ZNF831: variants seen among roughly 807,000 people sequenced by gnomAD.
ZNF831 encodes chromosome 20 open reading frame 174.
ZNF831 carries 59 observed loss-of-function variants against 95.8 expected under a neutral mutation model. That is an observed-to-expected ratio of 0.62 (90% CI 0.50 to 0.77). The LOEUF (loss-of-function observed/expected upper bound fraction) is 0.77, where lower values mean the gene tolerates loss of function less well. ZNF831 is among the 30% of genes least tolerant of loss of function. The pLI is 0.00. For missense variants in ZNF831, 2,205 were observed against 2,164.0 expected (o/e 1.02, Z -0.38); for synonymous variants, 961 against 925.5 (o/e 1.04, Z -0.70).
rs1983819967 is a variant in ZNF831, at chr20:59,193,693, G to A, written c.2674G>A (p.Val892Ile). 2.5e-6 allele frequency: 4 copies of A among 1,612,984 alleles called. No homozygotes were observed. The highest frequency in any genetic ancestry group is 1.7e-4 in the Middle Eastern group (1 of 6,052). ...SSGASLAAAS[V>I]ALKRVGPRDK... is the part of the protein sequence containing the mutation. Reference sequence around the variant, plus strand: ...TGGAGCCTCCTTGGCTGCTGCTTCTGTTGCCCTGAAGAGGGTGGGGCCAAG... The same window carrying A: ...TGGAGCCTCCTTGGCTGCTGCTTCTATTGCCCTGAAGAGGGTGGGGCCAAG... The change falls in exon 2 of 6, where the codon GTT becomes ATT. Residue 892 changes from valine to isoleucine, a missense_variant. Transcript: ENST00000371030.
chr20:59,191,080 C>G lies in ZNF831; in HGVS notation c.61C>G (p.Pro21Ala), dbSNP rs777666570. The change falls in exon 2 of 6, where the codon CCT becomes GCT. Residue 21 changes from proline (P) to alanine (A), a missense_variant. Physicochemically the swap from Pro to Ala is conservative, Grantham distance 27 (BLOSUM62 -1). Coordinates refer to ENST00000371030, the MANE Select transcript of ZNF831 (RefSeq NM_178457.3). The part of the protein sequence containing the change: ...PPARDQPAPT[P>A]GPPGAPGGQA... ...TGCGAGGGACCAGCCAGCTCCCACT[C>G]CTGGCCCTCCAGGGGCCCCAGGTGG... The G allele has an allele frequency of 2.6e-6, 4 of 1,535,240 alleles. No homozygotes were observed. The highest frequency in any genetic ancestry group is 3.5e-6 in the Non-Finnish European group (4 of 1,149,222).
chr20:59,207,392 A>G (rs1442394467), intron 4 of ZNF831, among the ~76,000 whole-genome samples: 1 of 152,200 alleles, frequency 6.6e-6, no homozygotes, highest in Non-Finnish European at 1.5e-5. Context: ...TAGTTTCACT[A>G]TTTCTAAAAA....
intron 4 of ZNF831, among the ~76,000 whole-genome samples, chr20:59,218,409 A>C (rs1251778838): frequency 6.6e-6 from 1 of 152,192 alleles, no homozygotes; most frequent in Admixed American, 6.5e-5. Flanking sequence ...AGGTGTGAGG[A>C]AAAGAGGCTT....
At chr20:59,161,531 G>C (rs1411785907), upstream of ZNF831, among the ~76,000 whole-genome samples, 1 of 152,150 alleles carries the variant, frequency 6.6e-6, no homozygotes, top group African/African-American at 2.4e-5. Flanking sequence ...CGCCTGCCTT[G>C]GCCTCCCAAA....
At chr20:59,164,912 G>C (rs189723271) in intron 1 of ZNF831, among the ~76,000 whole-genome samples, 20 of 152,300 alleles carry the variant, frequency 1.3e-4, no homozygotes, top group Admixed American at 7.8e-4. Flanking sequence ...AAAATGCAAC[G>C]AGGGACAGGA....
intron 3 of ZNF831, 150 bp downstream of exon 3, chr20:59,196,155 C>G (rs1984090686): frequency 5.5e-6 from 6 of 1,086,550 alleles, no homozygotes; most frequent in Admixed American, 3.1e-5. Context: ...TGTTTCCCAC[C>G]CCTTGCAACT....
chr20:59,188,328 TTTA>T (rs1470511923), intron 1 of ZNF831, among the ~76,000 whole-genome samples: 2 of 152,298 alleles, frequency 1.3e-5, no homozygotes, highest in Non-Finnish European at 2.9e-5. Flanking sequence ...TGCTTATTAG[TTTA>T]TTATTATTAT....
At position 59,253,898 on chromosome 20, in the gene ZNF831, G is replaced by A. The variant is rs747100861; in HGVS notation, c.4189G>A (p.Asp1397Asn). 4.5e-6 allele frequency: 7 copies of A among 1,549,638 alleles called. No homozygotes were observed. In the South Asian group the frequency reaches 8.4e-5, roughly 19 times the overall value. Residue 1397 changes from aspartate (D) to asparagine (N), a missense_variant and splice_region_variant, in exon 6 of 6, where the codon GAT becomes AAT. Asp to Asn is a conservative substitution (Grantham distance 23). Transcript: ENST00000371030. ...VREMDKRTVK[D>N]ISPSAGEHGD... ...TTTTTTCCTTTGCACTTTGTTGCAG[G>A]ATATTTCTCCATCTGCTGGTGAGCA...
chr20:59,171,750 C>A (rs941351640), intron 1 of ZNF831, among the ~76,000 whole-genome samples: 3 of 152,008 alleles, frequency 2.0e-5, no homozygotes, highest in African/African-American at 4.8e-5. Context: ...ACATAGAGAC[C>A]ATACACAAAC....
intron 3 of ZNF831, among the ~76,000 whole-genome samples, chr20:59,203,202 A>T (rs1270703367): frequency 6.6e-6 from 1 of 152,108 alleles, no homozygotes; most frequent in East Asian, 1.9e-4. Context: ...GTATGAATTC[A>T]TATATATAGA....
Position 59,191,453 on chromosome 20 carries a change from T to G in ZNF831, c.434T>G (p.Leu145Arg), listed in dbSNP as rs1267665516. Residue 145 changes from leucine to arginine, a missense_variant, in exon 2 of 6, where the codon CTG (leucine) becomes CGG (arginine). By Grantham distance (102) the Leu-to-Arg change is moderately radical (BLOSUM62 -2). Transcript: ENST00000371030. ...PGKVRNAGKY[L>R]CPHCGRDCLK... ...AAGGTGCGGAATGCGGGCAAGTACC[T>G]GTGTCCGCACTGTGGTCGCGACTGC... 6.2e-7 allele frequency: 1 copy of G among 1,613,018 alleles called. No homozygotes were observed.
intron 1 of ZNF831, among the ~76,000 whole-genome samples, chr20:59,177,735 C>T (rs2146510070): frequency 6.6e-6 from 1 of 152,310 alleles, no homozygotes; most frequent in East Asian, 1.9e-4. Context: ...GTCGCTCATC[C>T]TCCTGGGAGC....
At chr20:59,222,053 G>C (rs1274914621) in intron 4 of ZNF831, among the ~76,000 whole-genome samples, 1 of 152,158 alleles carries the variant, frequency 6.6e-6, no homozygotes, top group Non-Finnish European at 1.5e-5. Flanking sequence ...AATGTGCGAC[G>C]CCCCCTCCCT....
intron 1 of ZNF831, among the ~76,000 whole-genome samples, chr20:59,145,677 T>C (rs1979822567): frequency 6.6e-6 from 1 of 152,166 alleles, no homozygotes; most frequent in Admixed American, 6.5e-5. Context: ...CACCCTCTTT[T>C]GGTTTGGTGG....
At chr20:59,189,700 G>A (rs61453151) in intron 1 of ZNF831, among the ~76,000 whole-genome samples, 5,486 of 152,126 alleles carry the variant, frequency 0.036, 352 homozygotes, top group African/African-American at 0.13. Flanking sequence ...TAGTAGAGAC[G>A]GGGTTTCACC....
At chr20:59,239,515 T>A (rs1250965975) in intron 4 of ZNF831, among the ~76,000 whole-genome samples, 2 of 151,692 alleles carry the variant, frequency 1.3e-5, no homozygotes, top group Admixed American at 6.6e-5. Flanking sequence ...TCATTTTACA[T>A]CCTTGATTTA....
intron 1 of ZNF831, among the ~76,000 whole-genome samples, chr20:59,178,626 CTACAACTTGGATA>C: frequency 6.6e-6 from 1 of 152,330 alleles, no homozygotes; most frequent in Middle Eastern, 3.4e-3. Flanking sequence ...ATAACTCACT[CTACAACTTGGATA>C]TACTAAAAGA....
At chr20:59,157,979 A>C (rs989376361) in intron 2 of ZNF831, among the ~76,000 whole-genome samples, 1 of 152,220 alleles carries the variant, frequency 6.6e-6, no homozygotes, top group Non-Finnish European at 1.5e-5. Context: ...CTGAAAAATT[A>C]ATCTACAAAA....
chr20:59,132,225 C>T (rs1022474167), intron 1 of ZNF831, among the ~76,000 whole-genome samples: 26 of 151,844 alleles, frequency 1.7e-4, no homozygotes, highest in African/African-American at 6.0e-4. Context: ...TAAATGACTG[C>T]CTTGCATTTC....
Sources: gnomAD v4.1 joint callset for allele counts (sites outside exome capture counted in the v4.1 genomes callset) on GRCh38, gnomAD v4.1.1 for gene constraint, MANE v1.5 for transcripts, NCBI Gene and HGNC (gene_info 2026-07-23, HGNC 2026-07-21) for gene names.